Variants in HSD17B12 observed in about 807,000 individuals in gnomAD.
HSD17B12 encodes very-long-chain 3-oxoacyl-CoA reductase.
HSD17B12 carries 32 observed loss-of-function variants against 39.3 expected under a neutral mutation model. The ratio of observed to expected loss-of-function variants is 0.81; its 90% CI spans 0.61 to 1.09. The LOEUF is 1.09. Among genes scored for constraint, HSD17B12 ranks in the 50% least tolerant of loss-of-function variants. The pLI, the probability that HSD17B12 is intolerant of heterozygous loss-of-function variation, is 0.00. For synonymous variants in HSD17B12, 150 were observed against 146.7 expected (o/e 1.02, Z -0.16); for missense variants, 342 against 382.9 (o/e 0.89, Z 0.89).
chr11:43,787,490 A>G (rs1950825998), intron 3 of HSD17B12, among the ~76,000 whole-genome samples: 1 of 152,020 alleles, frequency 6.6e-6, no homozygotes, highest in African/African-American at 2.4e-5. Flanking sequence ...TAATCCCAAC[A>G]CTGTGGGAGG....
chr11:43,803,309 C>T (rs1950988443), intron 4 of HSD17B12, among the ~76,000 whole-genome samples: 1 of 152,116 alleles, frequency 6.6e-6, no homozygotes, highest in Admixed American at 6.6e-5. Context: ...TCTCCCGCAT[C>T]CCCATCCAGA....
the HSD17B12 span, among the ~76,000 whole-genome samples, chr11:43,642,638 G>T: frequency 6.6e-6 from 1 of 151,540 alleles, no homozygotes; most frequent in African/African-American, 2.4e-5. Context: ...GTTACAACCT[G>T]GTAGCTATTA....
intron 1 of HSD17B12, among the ~76,000 whole-genome samples, chr11:43,720,780 A>G (rs1249114288): frequency 6.6e-6 from 1 of 152,060 alleles, no homozygotes; most frequent in Admixed American, 6.6e-5. Context: ...TGAGAAGTTA[A>G]CAAGTGGTAG....
intron 3 of HSD17B12, among the ~76,000 whole-genome samples, chr11:43,767,579 A>T (rs1376670699): frequency 6.6e-6 from 1 of 152,188 alleles, no homozygotes; most frequent in African/African-American, 2.4e-5. Context: ...TTAAATGCAT[A>T]TTTTTGTTAC....
At chr11:43,566,753 C>T in the HSD17B12 span, among the ~76,000 whole-genome samples, 1 of 152,216 alleles carries the variant, frequency 6.6e-6, no homozygotes, top group Non-Finnish European at 1.5e-5. Flanking sequence ...TGGTCTCGAA[C>T]TCCTGACCTC....
chr11:43,680,536 G>A (rs1949730932), upstream of HSD17B12: 7 of 446,476 alleles, frequency 1.6e-5, no homozygotes, highest in South Asian at 1.4e-4. Flanking sequence ...GGGGCGCCTC[G>A]GTGGGGTGAG....
chr11:43,593,950 G>A, the HSD17B12 span, among the ~76,000 whole-genome samples: 2 of 152,130 alleles, frequency 1.3e-5, no homozygotes, highest in South Asian at 4.2e-4. Context: ...GTATACATAG[G>A]AAATATTTCT....
At chr11:43,693,769 C>T (rs1254776646) in intron 1 of HSD17B12, among the ~76,000 whole-genome samples, 1 of 152,226 alleles carries the variant, frequency 6.6e-6, no homozygotes, top group African/African-American at 2.4e-5. Flanking sequence ...ACTGTAATGA[C>T]TGGCATTAAC....
the HSD17B12 span, among the ~76,000 whole-genome samples, chr11:43,608,542 A>G: frequency 6.6e-6 from 1 of 152,190 alleles, no homozygotes; most frequent in Admixed American, 6.5e-5. Context: ...TTTTACAAAA[A>G]CAGGCTCATT....
chr11:43,740,060 T>A (rs920996108), intron 1 of HSD17B12, among the ~76,000 whole-genome samples: 8 of 152,112 alleles, frequency 5.3e-5, no homozygotes, highest in African/African-American at 1.4e-4. Context: ...TTGTGGGAGA[T>A]GAATGATGGT....
the HSD17B12 span, chr11:43,641,026 C>G: frequency 7.9e-5 from 12 of 151,548 alleles, no homozygotes; most frequent in African/African-American, 2.7e-4. Flanking sequence ...TGAAACTTTT[C>G]TTCTTTAGGT....
intron 1 of HSD17B12, among the ~76,000 whole-genome samples, chr11:43,733,059 C>A (rs61883796): frequency 0.049 from 7,464 of 152,162 alleles, 208 homozygotes; most frequent in Non-Finnish European, 0.054. Flanking sequence ...TTGGGAAATA[C>A]CAGGTGGACT....
chr11:43,673,638 T>C, the HSD17B12 span, among the ~76,000 whole-genome samples: 1 of 150,082 alleles, frequency 6.7e-6, no homozygotes, highest in Non-Finnish European at 1.5e-5. Context: ...ACTACAGGCA[T>C]GCACCACCAA....
At chr11:43,840,623 T>C (rs755711750) in intron 9 of HSD17B12, among the ~76,000 whole-genome samples, 15 of 152,316 alleles carry the variant, frequency 9.8e-5, no homozygotes, top group Middle Eastern at 6.8e-3. Flanking sequence ...GGTGGAATCA[T>C]ACAGTATTTG....
intron 6 of HSD17B12, 38 bp downstream of exon 6, chr11:43,816,429 G>A: frequency 6.7e-7 from 1 of 1,489,786 alleles, no homozygotes; most frequent in Non-Finnish European, 9.0e-7. Flanking sequence ...TCCTTTTTTG[G>A]TTCCTTCTAT....
At chr11:43,809,507 T>A (rs1283825008) in intron 4 of HSD17B12, among the ~76,000 whole-genome samples, 1 of 152,168 alleles carries the variant, frequency 6.6e-6, no homozygotes, top group Non-Finnish European at 1.5e-5. Flanking sequence ...TATAGTGAGG[T>A]AGCAGCATTT....
chr11:43,855,946 T>C lies in HSD17B12; in HGVS notation c.*698T>C, dbSNP rs1951579461. On this transcript the variant is annotated 3_prime_UTR_variant, in exon 11 of 11. Transcript: ENST00000278353. ...ATATGGTATGATTTATAAAGATAAA[T>C]GGGCCAAAGTGTACATTGAGACTGG... 8.2e-6 allele frequency: 1 copy of C among 122,308 alleles called. No homozygotes were observed. Among genetic ancestry groups the C allele is most frequent in the Non-Finnish European group, 1.7e-5 (1 of 57,898 alleles). 7.6% of individuals were successfully genotyped at this position (122,308 alleles called of 1,614,324 possible). A position where few individuals can be genotyped will look rare whatever the true frequency, so the allele number is the denominator to read the frequency against.
the HSD17B12 span, chr11:43,570,166 G>A: frequency 6.5e-6 from 1 of 152,740 alleles, no homozygotes; most frequent in East Asian, 1.9e-4. Flanking sequence ...ACTCAATGAA[G>A]GGACCCAGGG....
At chr11:43,706,781 TG>T (rs1171363162) in intron 1 of HSD17B12, among the ~76,000 whole-genome samples, 1 of 151,418 alleles carries the variant, frequency 6.6e-6, no homozygotes, top group African/African-American at 2.4e-5. Context: ...AAATACTCAT[TG>T]GGTCTTGGAA....
Sources: allele counts gnomAD v4.1 joint callset (sites outside exome capture counted in the v4.1 genomes callset), GRCh38; gene constraint gnomAD v4.1.1; transcripts MANE v1.5; gene names NCBI Gene and HGNC (gene_info 2026-07-23, HGNC 2026-07-21).